The following BMERB1 variants were observed in gnomAD, a reference collection of about 807,000 sequenced individuals.
BMERB1 encodes bMERB domain containing 1.
BMERB1 carries 12 observed loss-of-function variants against 23.6 expected under a neutral mutation model. The ratio of observed to expected loss-of-function variants is 0.51; its 90% confidence interval spans 0.33 to 0.82. The LOEUF (loss-of-function observed/expected upper bound fraction) is 0.82, where lower values mean the gene tolerates loss of function less well. BMERB1 is among the 40% of genes least tolerant of loss of function. The pLI, the probability that BMERB1 is intolerant of heterozygous loss-of-function variation, is 0.03. For missense variants in BMERB1, 247 were observed against 255.4 expected (o/e 0.97, Z 0.22); for synonymous variants, 122 against 96.6 (o/e 1.26, Z -1.54).
intron 1 of BMERB1, among the ~76,000 whole-genome samples, chr16:15,447,592 A>G (rs1161325399): frequency 6.6e-6 from 1 of 152,194 alleles, no homozygotes; most frequent in Non-Finnish European, 1.5e-5. Flanking sequence ...CTCTCAGTAA[A>G]TGGTGGCGAT....
At chr16:15,519,886 C>T (rs923165633) in intron 2 of BMERB1, among the ~76,000 whole-genome samples, 1 of 152,102 alleles carries the variant, frequency 6.6e-6, no homozygotes. Flanking sequence ...GGAGATTTCC[C>T]TACTCCCAGG....
At chr16:15,477,428 C>A (rs1169646017) in intron 1 of BMERB1, among the ~76,000 whole-genome samples, 1 of 152,086 alleles carries the variant, frequency 6.6e-6, no homozygotes, top group African/African-American at 2.4e-5. Flanking sequence ...GGACACAGAG[C>A]CAAACCATAT....
At chr16:15,437,231 G>C (rs929467699) in intron 1 of BMERB1, among the ~76,000 whole-genome samples, 4 of 152,122 alleles carry the variant, frequency 2.6e-5, no homozygotes, top group African/African-American at 7.2e-5. Context: ...AAAAATGCTG[G>C]GTCCACGCAG....
At chr16:15,541,249 T>G (rs969725422) in intron 2 of BMERB1, among the ~76,000 whole-genome samples, 1 of 151,984 alleles carries the variant, frequency 6.6e-6, no homozygotes, top group Non-Finnish European at 1.5e-5. Flanking sequence ...GAGGGAGCCG[T>G]GCAGAGCTTC....
At position 15,434,725 on chromosome 16, in the gene BMERB1, G is replaced by C. The variant is rs1331382320; in HGVS notation, c.72G>C (p.Glu24Asp). The C allele has an allele frequency of 1.1e-5, 17 of 1,605,448 alleles. No individual in the cohort carries two copies. The highest frequency in any genetic ancestry group is 1.4e-5 in the Non-Finnish European group (17 of 1,175,164). The change falls in exon 1 of 6, where the codon GAG becomes GAC. Residue 24 changes from glutamate to aspartate, a missense_variant. Transcript: ENST00000300006. ...CTCTGAGGCGCTATGGGGCGGTGGA[G>C]GAGACGGCTTGGAAAACGGAGAGAC... ...EKPLRRYGAV[E>D]ETAWKTERLG...
chr16:15,440,735 G>A (rs753127017), intron 1 of BMERB1, among the ~76,000 whole-genome samples: 1 of 152,274 alleles, frequency 6.6e-6, no homozygotes, highest in Non-Finnish European at 1.5e-5. Context: ...CAAGTGCCAG[G>A]AAGTGTTCTA....
At chr16:15,581,709 TC>T (rs1017209342) in intron 4 of BMERB1, among the ~76,000 whole-genome samples, 23 of 152,124 alleles carry the variant, frequency 1.5e-4, no homozygotes, top group African/African-American at 5.5e-4. Flanking sequence ...ACCTCTGTCC[TC>T]CCAACCTCCC....
chr16:15,463,347 G>C (rs1446039613), intron 1 of BMERB1, among the ~76,000 whole-genome samples: 2 of 152,018 alleles, frequency 1.3e-5, no homozygotes, highest in African/African-American at 4.8e-5. Flanking sequence ...TCCTGCTTTG[G>C]CCTCCCAAAG....
chr16:15,553,583 C>T (rs1034068035), intron 2 of BMERB1, among the ~76,000 whole-genome samples: 5 of 152,246 alleles, frequency 3.3e-5, no homozygotes, highest in African/African-American at 1.2e-4. Context: ...GACATGACTT[C>T]GTTCCAATAG....
intron 1 of BMERB1, among the ~76,000 whole-genome samples, chr16:15,464,493 T>C (rs2051165120): frequency 6.6e-6 from 1 of 152,098 alleles, no homozygotes; most frequent in Non-Finnish European, 1.5e-5. Flanking sequence ...AAAAATGGCT[T>C]CTCTGTAGGC....
intron 2 of BMERB1, among the ~76,000 whole-genome samples, chr16:15,558,424 C>T (rs374867521): frequency 6.6e-6 from 1 of 151,920 alleles, no homozygotes; most frequent in East Asian, 1.9e-4. Flanking sequence ...AGCCAAGCTT[C>T]CTGGATCTTC....
chr16:15,435,421 T>G (rs1257963668), intron 1 of BMERB1, among the ~76,000 whole-genome samples: 1 of 152,220 alleles, frequency 6.6e-6, no homozygotes, highest in Non-Finnish European at 1.5e-5. Flanking sequence ...CTCTCTGCGG[T>G]GTTTGGATGT....
chr16:15,563,527 A>T (rs1011295003), intron 2 of BMERB1, among the ~76,000 whole-genome samples: 4 of 152,114 alleles, frequency 2.6e-5, no homozygotes, highest in Non-Finnish European at 4.4e-5. Flanking sequence ...CCAGAAAAAA[A>T]AATTTTTAAA....
intron 3 of BMERB1, among the ~76,000 whole-genome samples, chr16:15,577,607 G>T (rs574945153): frequency 6.6e-6 from 1 of 152,232 alleles, no homozygotes; most frequent in Non-Finnish European, 1.5e-5. Flanking sequence ...CAAGTGCACC[G>T]CTTGACCTTT....
Position 15,471,251 on chromosome 16 carries a change from A to G in BMERB1, c.106+36492A>G, listed in dbSNP as rs375369916. Among the ~76,000 whole-genome samples the G allele has an allele frequency of 1.1e-4, 16 of 152,148 alleles. No individual in the cohort carries two copies. In the East Asian group the frequency reaches 2.5e-3, roughly 24 times the overall value. On this transcript the variant is annotated intron_variant, in intron 1 of 5. Coordinates refer to ENST00000300006, the MANE Select transcript of BMERB1 (RefSeq NM_033201.3). ...GATAGAGATTCATTTTTTTTGGCCTATGGATGTCCAATTTGTCCAGCGTTG... is the reference window on the plus strand; with the variant it reads ...GATAGAGATTCATTTTTTTTGGCCTGTGGATGTCCAATTTGTCCAGCGTTG...
intron 1 of BMERB1, among the ~76,000 whole-genome samples, chr16:15,511,943 G>T (rs1396617383): frequency 1.4e-5 from 2 of 138,528 alleles, no homozygotes; most frequent in African/African-American, 5.3e-5. Flanking sequence ...AGCCTGGGAG[G>T]CAGAGGTTGC....
intron 1 of BMERB1, among the ~76,000 whole-genome samples, chr16:15,485,404 G>T (rs1015857771): frequency 2.0e-5 from 3 of 152,208 alleles, no homozygotes; most frequent in Admixed American, 2.0e-4. Context: ...CTTCCTGTCT[G>T]TAAATGGGTT....
intron 1 of BMERB1, among the ~76,000 whole-genome samples, chr16:15,514,877 G>A (rs1362448627): frequency 6.6e-6 from 1 of 152,082 alleles, no homozygotes; most frequent in Admixed American, 6.6e-5. Flanking sequence ...TCAGGAGATC[G>A]AGACCATCCT....
At chr16:15,544,507 T>G (rs773263523) in intron 2 of BMERB1, among the ~76,000 whole-genome samples, 1 of 152,078 alleles carries the variant, frequency 6.6e-6, no homozygotes, top group Non-Finnish European at 1.5e-5. Context: ...AGTAATTACT[T>G]ATGGGCAGAA....
Sources: gnomAD v4.1 joint callset for allele counts (sites outside exome capture counted in the v4.1 genomes callset) on GRCh38, gnomAD v4.1.1 for gene constraint, MANE v1.5 for transcripts, NCBI Gene and HGNC (gene_info 2026-07-23, HGNC 2026-07-21) for gene names.